Variants in LRRIQ3 observed in about 807,000 individuals in gnomAD.
The protein encoded by LRRIQ3 is leucine-rich repeat and IQ domain-containing protein 3.
A neutral mutation model predicts 59.3 loss-of-function variants in LRRIQ3; 75 were observed. That is an observed-to-expected ratio of 1.26 (90% CI 1.05 to 1.53). The LOEUF (loss-of-function observed/expected upper bound fraction) is 1.53, where lower values mean the gene tolerates loss of function less well. Among genes scored for constraint, LRRIQ3 ranks in the 40% most tolerant of loss-of-function variants. The pLI, the probability that LRRIQ3 is intolerant of heterozygous loss-of-function variation, is 0.00. For synonymous variants in LRRIQ3, 250 were observed against 231.3 expected, an observed-to-expected ratio of 1.08 and a Z score of -0.73; for missense variants, 831 against 710.0, an observed-to-expected ratio of 1.17 and a Z score of -1.94.
chr1:74,119,212 A>C (rs1234490516), intron 4 of LRRIQ3, among the ~76,000 whole-genome samples: 5 of 152,168 alleles, frequency 3.3e-5, no homozygotes, highest in Non-Finnish European at 1.5e-5. Context: ...TCCTTATAAG[A>C]ACTATTATCC....
intron 7 of LRRIQ3, among the ~76,000 whole-genome samples, chr1:74,036,580 T>C (rs1481149251): frequency 6.6e-6 from 1 of 152,198 alleles, no homozygotes; most frequent in East Asian, 1.9e-4. Context: ...CCCATTAATG[T>C]ACCCGAAATT....
chr1:74,057,914 C>A (rs1360576140), intron 6 of LRRIQ3, among the ~76,000 whole-genome samples: 1 of 152,020 alleles, frequency 6.6e-6, no homozygotes, highest in Non-Finnish European at 1.5e-5. Context: ...GTCAAAATCC[C>A]TGACTAGACA....
Position 74,183,649 on chromosome 1 carries a change from A to T in LRRIQ3, c.36T>A (p.Ser12Arg), listed in dbSNP as rs1418317348. The T allele has an allele frequency of 6.2e-7, 1 of 1,608,822 alleles. No individual in the cohort carries two copies. The highest frequency in any genetic ancestry group is 1.1e-5 in the South Asian group (1 of 90,286). Residue 12 changes from serine (S) to arginine (R), a missense_variant, in exon 2 of 8, where the codon AGT (serine) becomes AGA (arginine). Ser to Arg is a moderately radical substitution (Grantham distance 110). Transcript: ENST00000354431. ...CATTATAGTGACTCCATTCTTCATG[A>T]CTGGTTAGCTCTTCTGTGACTGTTC... The part of the protein sequence containing the change: ...FHGTVTEELT[S>R]HEEWSHYNEN...
chr1:74,127,667 GCTGT>G (rs1646955936), intron 4 of LRRIQ3, among the ~76,000 whole-genome samples: 1 of 151,682 alleles, frequency 6.6e-6, no homozygotes, highest in Admixed American at 6.6e-5. Flanking sequence ...ATCTTAGTAT[GCTGT>G]CTATGTCTTG....
At chr1:74,191,597 T>C (rs888691364) in intron 1 of LRRIQ3, among the ~76,000 whole-genome samples, 1 of 151,990 alleles carries the variant, frequency 6.6e-6, no homozygotes, top group Non-Finnish European at 1.5e-5. Flanking sequence ...ACATCTTCTC[T>C]CAGACCACAG....
intron 5 of LRRIQ3, among the ~76,000 whole-genome samples, chr1:74,087,636 C>A (rs908794887): frequency 6.6e-6 from 1 of 151,792 alleles, no homozygotes; most frequent in African/African-American, 2.4e-5. Flanking sequence ...TATGTAAAAA[C>A]AATCTGTGTT....
rs150618239 is a variant in LRRIQ3 at position 74,073,509 on chromosome 1, AAAACAAACAAAC to A, written c.997+1140_997+1151del. Reference sequence around the variant, plus strand: ...TTAGGTGACAGAGTGAGACTGTCTTAAAACAAACAAACAAACAAACAAACAAACAAACAAAAT... The same window carrying A: ...TTAGGTGACAGAGTGAGACTGTCTTAAAACAAACAAACAAACAAACAAAAT... On this transcript the variant is annotated intron_variant, in intron 6 of 7. Transcript: ENST00000354431. 1.9e-3 allele frequency among the ~76,000 whole-genome samples: 284 copies of A among 149,518 alleles called. 1 individual carries two copies. Among genetic ancestry groups the A allele is most frequent in the African/African-American group, 4.4e-3 (177 of 40,492 alleles).
intron 6 of LRRIQ3, among the ~76,000 whole-genome samples, chr1:74,046,586 A>G (rs534739602): frequency 3.9e-4 from 59 of 152,324 alleles, no homozygotes; most frequent in African/African-American, 1.4e-3. Flanking sequence ...ACAAAAGCCA[A>G]AATAGACAAA....
intron 4 of LRRIQ3, among the ~76,000 whole-genome samples, chr1:74,151,251 C>T (rs922812927): frequency 1.3e-5 from 2 of 151,852 alleles, no homozygotes; most frequent in Non-Finnish European, 2.9e-5. Flanking sequence ...CTCTTGACCT[C>T]GTGATCTGCC....
At chr1:74,066,346 T>G (rs1654866309) in intron 6 of LRRIQ3, among the ~76,000 whole-genome samples, 1 of 152,088 alleles carries the variant, frequency 6.6e-6, no homozygotes, top group Non-Finnish European at 1.5e-5. Context: ...TAATGAAAAT[T>G]AGATTTATTT....
At chr1:74,082,198 T>C (rs933174014) in intron 5 of LRRIQ3, 2 of 151,506 alleles carry the variant, frequency 1.3e-5, no homozygotes, top group African/African-American at 2.4e-5. Flanking sequence ...CCTATGTAGA[T>C]GTGAAAACAA....
chr1:74,149,145 T>G (rs940702532), intron 4 of LRRIQ3, among the ~76,000 whole-genome samples: 1 of 152,232 alleles, frequency 6.6e-6, no homozygotes, highest in East Asian at 1.9e-4. Context: ...TGAAATTTTC[T>G]TTCTTGTAAC....
At chr1:74,109,640 G>A in intron 4 of LRRIQ3, 87 bp from the exon 5 acceptor site, 1 of 1,071,900 alleles carries the variant, frequency 9.3e-7, no homozygotes, top group Non-Finnish European at 1.3e-6. Flanking sequence ...TTACATCTTA[G>A]AAAACATAGT....
rs1653526534 is a variant in LRRIQ3 at position 74,026,730 on chromosome 1, C to T, written c.*83G>A. ...ATCTTGTGATGTAGAGTATTTCTTG[C>T]TTTAGAGTATTATTTCAAATTCCTT... On this transcript the variant is annotated 3_prime_UTR_variant, in exon 8 of 8. Transcript: ENST00000354431. 4 of 1,107,574 alleles carry T rather than the reference C, an allele frequency of 3.6e-6. No individual in the cohort carries two copies. The highest frequency in any genetic ancestry group is 5.2e-6 in the Non-Finnish European group (4 of 771,344). 68.6% of individuals were successfully genotyped at this position (1,107,574 alleles called of 1,614,324 possible).
At chr1:74,045,070 C>T (rs1266012080) in intron 6 of LRRIQ3, among the ~76,000 whole-genome samples, 1 of 152,116 alleles carries the variant, frequency 6.6e-6, no homozygotes. Context: ...GAAACTATTT[C>T]AAACAAGAGA....
chr1:74,163,280 T>C (rs1487962620), intron 3 of LRRIQ3, among the ~76,000 whole-genome samples: 3 of 151,610 alleles, frequency 2.0e-5, no homozygotes, highest in Non-Finnish European at 4.4e-5. Context: ...TTCACTTTAA[T>C]AGTCCCACAA....
chr1:74,047,680 C>A (rs112236105), intron 6 of LRRIQ3, among the ~76,000 whole-genome samples: 15 of 152,150 alleles, frequency 9.9e-5, no homozygotes, highest in Admixed American at 3.3e-4. Flanking sequence ...CATGTATAAA[C>A]CAGAAAGTGG....
At chr1:74,053,177 CAAA>C (rs11403724) in intron 6 of LRRIQ3, among the ~76,000 whole-genome samples, 3 of 100,972 alleles carry the variant, frequency 3.0e-5, no homozygotes, top group Admixed American at 1.2e-4. Flanking sequence ...CTCCACATGC[CAAA>C]AAAAAAAAAA....
chr1:74,033,042 G>C (rs1184940068), intron 7 of LRRIQ3, among the ~76,000 whole-genome samples: 1 of 152,028 alleles, frequency 6.6e-6, no homozygotes, highest in Non-Finnish European at 1.5e-5. Flanking sequence ...ATCTTGTTGA[G>C]AAGGAGAGGC....
Sources: allele counts gnomAD v4.1 joint callset (sites outside exome capture counted in the v4.1 genomes callset), GRCh38; gene constraint gnomAD v4.1.1; transcripts MANE v1.5; gene names NCBI Gene and HGNC (gene_info 2026-07-23, HGNC 2026-07-21).